PLXNB1: variants seen among roughly 807,000 people sequenced by gnomAD.
PLXNB1 encodes the protein plexin B1, also known as plexin-B1.
A neutral mutation model predicts 209.4 loss-of-function variants in PLXNB1; 106 were observed. That is an observed-to-expected ratio of 0.51 (90% CI 0.43 to 0.59). The LOEUF is 0.59. Among genes scored for constraint, PLXNB1 ranks in the 20% least tolerant of loss-of-function variants. PLXNB1 has a pLI of 0.00. For missense variants in PLXNB1, 2,357 were observed against 2,853.2 expected (o/e 0.83, Z 3.96); for synonymous variants, 1,167 against 1,183.2 (o/e 0.99, Z 0.28).
Position 48,418,562 on chromosome 3 carries a change from T to A in PLXNB1, c.2956-20A>T, listed in dbSNP as rs1364965425. 1.9e-6 allele frequency: 3 copies of A among 1,569,194 alleles called. No homozygotes were observed. Among genetic ancestry groups the A allele is most frequent in the Non-Finnish European group, 2.6e-6 (3 of 1,156,120 alleles). On this transcript the variant is annotated intron_variant, in intron 13 of 37. Coordinates refer to ENST00000296440, the MANE Select transcript of PLXNB1 (RefSeq NM_001130082.3). The surrounding 1 kb of genome is among the most constrained non-coding windows in gnomAD (Gnocchi z 6.6). The stretch of plus-strand genomic sequence containing the variant: ...GCTGAGCTGGAGAAATGGGAGTGGG[T>A]TCAGAGTCAAGCACTGGGGGAAGTG...
rs759027231 is a variant in PLXNB1, at chr3:48,418,194, G to A, written c.3219C>T (p.His1073=). 2 of 1,610,464 alleles carry A rather than the reference G, an allele frequency of 1.2e-6. No individual in the cohort carries two copies. Among genetic ancestry groups the A allele is most frequent in the Non-Finnish European group, 1.7e-6 (2 of 1,178,640 alleles). The change falls in exon 15 of 38, where the codon CAC becomes CAT. Residue 1073 remains histidine, a synonymous_variant. Transcript: ENST00000296440. This position sits in a 1 kb window ranked among gnomAD's most constrained non-coding sequence, Gnocchi z 6.6. ...VATQCPAPLI[H]SVEPLTGPVD... The stretch of plus-strand genomic sequence containing the variant: ...GATGGCCAGCCTTTCAACAAACCGA[G>A]TGGATGAGGGGCGCTGGGCACTGGG...
In PLXNB1 at chr3:48,413,961, G is replaced by A. The variant is rs374830271; in HGVS notation, c.4320C>T (p.Pro1440=). ...GGTGCCGTGGCAGGGGCTGCTCCACGGGGGGCTCGCAGTACAGGTGGTGCC... is the reference window on the plus strand; with the variant it reads ...GGTGCCGTGGCAGGGGCTGCTCCACAGGGGGCTCGCAGTACAGGTGGTGCC... ...LTRHHLYCEP[P]VEQPLPRHHA... Residue 1440 remains proline (P), a synonymous_variant, in exon 22 of 38, where the codon CCC becomes CCT. Coordinates refer to ENST00000296440, the MANE Select transcript of PLXNB1 (RefSeq NM_001130082.3). This position sits in a 1 kb window ranked among gnomAD's most constrained non-coding sequence, Gnocchi z 5.4. The A allele has an allele frequency of 5.0e-6, 8 of 1,613,212 alleles. No individual in the cohort carries two copies. The highest frequency in any genetic ancestry group is 4.0e-5 in the African/African-American group (3 of 74,926).
chr3:48,410,753 C>A lies in PLXNB1; in HGVS notation c.5416+115G>T. On this transcript the variant is annotated intron_variant, in intron 29 of 37. Transcript: ENST00000296440. This position sits in a 1 kb window ranked among gnomAD's most constrained non-coding sequence, Gnocchi z 6.4. The stretch of plus-strand genomic sequence containing the variant: ...AAAGATGTTCCAAAGCCAGCTTCTG[C>A]CTGCCTCCCAGCATCCTCCCCACCC... 1 of 1,130,614 alleles carries A rather than the reference C, an allele frequency of 8.8e-7. No individual in the cohort carries two copies. Among genetic ancestry groups the A allele is most frequent in the South Asian group, 1.5e-5 (1 of 65,370 alleles). The allele number at this position is 1,130,614 out of a possible 1,614,324, so 70.0% of individuals were successfully genotyped here. A position where few individuals can be genotyped will look rare whatever the true frequency, so the allele number is the denominator to read the frequency against.
In PLXNB1 at chr3:48,418,921, T is replaced by C. The variant is rs1020952447; in HGVS notation, c.2951A>G (p.His984Arg). Reference protein sequence around the residue: ...DTQCHVTCQQHQLSYEALQPE... With the variant: ...DTQCHVTCQQRQLSYEALQPE... ...CCAGGCGCTCATGGTGTGCACCTGG[T>C]GCTGCTGGCAGGTGACATGGCACTG... Residue 984 changes from histidine (H) to arginine (R), a missense_variant, in exon 13 of 38, where the codon CAC (histidine) becomes CGC (arginine). Around this residue, in one of 7 missense-constraint regions of PLXNB1, gnomAD observed 410 missense variants for 401.0 expected, o/e 1.02. Coordinates refer to ENST00000296440, the MANE Select transcript of PLXNB1 (RefSeq NM_001130082.3). The surrounding 1 kb of genome is among the most constrained non-coding windows in gnomAD (Gnocchi z 6.6). 6.2e-7 allele frequency: 1 copy of C among 1,613,976 alleles called. No homozygotes were observed. The highest frequency in any genetic ancestry group is 1.7e-5 in the Admixed American group (1 of 60,026).
intron 27 of PLXNB1, 112 bp from the exon 28 acceptor site, chr3:48,412,121 T>G: frequency 6.8e-7 from 1 of 1,464,466 alleles, no homozygotes; most frequent in South Asian, 1.2e-5. Context: ...GAGGACAGGC[T>G]GAGCAGGAGT....
chr3:48,413,949 G>A lies in PLXNB1; in HGVS notation c.4332C>T (p.Pro1444=). 1 of 1,613,352 alleles carries A rather than the reference G, an allele frequency of 6.2e-7. No individual in the cohort carries two copies. The change falls in exon 22 of 38, where the codon CCC becomes CCT. Residue 1444 remains proline, a synonymous_variant. Transcript: ENST00000296440. This position sits in a 1 kb window ranked among gnomAD's most constrained non-coding sequence, Gnocchi z 5.4. ...CTCGGAGGGCATGGTGCCGTGGCAG[G>A]GGCTGCTCCACGGGGGGCTCGCAGT... is the stretch of plus-strand genomic sequence containing the variant. The part of the protein sequence containing the change: ...HLYCEPPVEQ[P]LPRHHALREA...
In PLXNB1 at chr3:48,405,821, G is replaced by T; in HGVS notation, c.6229-23C>A. On this transcript the variant is annotated intron_variant, in intron 36 of 37. Transcript: ENST00000296440. The surrounding 1 kb of genome is among the most constrained non-coding windows in gnomAD (Gnocchi z 5.0). ...GTTCTAGGGAAGAGGCCAAATGAAA[G>T]GTGAGAGAGACGAGGGGTGCAGAGA... The T allele has an allele frequency of 6.2e-7, 1 of 1,605,162 alleles. No individual in the cohort carries two copies. The highest frequency in any genetic ancestry group is 1.1e-5 in the South Asian group (1 of 90,838).
Position 48,414,975 on chromosome 3 carries a change from G to C in PLXNB1, c.4033C>G (p.Leu1345Val). ...ACCCGGACCCAGGGGTCCTCAGGCA[G>C]GCCTGGGAGGGCAGGTGTGCGGCAC... ...ITCRTPALPG[L>V]PEDPWVRVEF... is the part of the protein sequence containing the mutation. Residue 1345 changes from leucine (L) to valine (V), a missense_variant, in exon 21 of 38, where the codon CTG becomes GTG. Transcript: ENST00000296440. 1 of 1,613,778 alleles carries C rather than the reference G, an allele frequency of 6.2e-7. No homozygotes were observed. The highest frequency in any genetic ancestry group is 8.5e-7 in the Non-Finnish European group (1 of 1,180,020).
rs775707931 is a variant in PLXNB1, at chr3:48,411,004, C to T, written c.5280G>A (p.Gly1760=). ...CGGGCACGCCCTGGGCCTCTCCTGCCCCAGGCCCCACAGCCAATAGTGCAT... is the reference window on the plus strand; with the variant it reads ...CGGGCACGCCCTGGGCCTCTCCTGCTCCAGGCCCCACAGCCAATAGTGCAT... The part of the protein sequence containing the change: ...TLNALLAVGP[G]AGEAQGVPVK... Residue 1760 remains glycine (G), a synonymous_variant, in exon 29 of 38, where the codon GGG becomes GGA. Coordinates refer to ENST00000296440, the MANE Select transcript of PLXNB1 (RefSeq NM_001130082.3). The surrounding 1 kb of genome is among the most constrained non-coding windows in gnomAD (Gnocchi z 4.0). 2 of 1,613,750 alleles carry T rather than the reference C, an allele frequency of 1.2e-6. No homozygotes were observed. The highest frequency in any genetic ancestry group is 2.2e-5 in the South Asian group (2 of 91,074).
chr3:48,423,104 G>A (rs959269018), intron 3 of PLXNB1, among the ~76,000 whole-genome samples, 157 bp from the exon 4 acceptor site: 5 of 151,674 alleles, frequency 3.3e-5, no homozygotes, highest in Non-Finnish European at 5.9e-5. Context: ...TCTCATCCCC[G>A]CCCCCAGTCT....
Position 48,415,610 on chromosome 3 carries a change from G to A in PLXNB1, c.3767C>T (p.Ser1256Phe). The A allele has an allele frequency of 6.3e-7, 1 of 1,584,778 alleles. No individual in the cohort carries two copies. The highest frequency in any genetic ancestry group is 8.6e-7 in the Non-Finnish European group (1 of 1,165,184). ...GAGGAAGCTCTTGGTGGGGCCAGCA[G>A]AGGTGATGTTGGGGTCCAAGGTATA... is the stretch of plus-strand genomic sequence containing the variant. ...FKYTLDPNIT[S>F]AGPTKSFLSG... Residue 1256 changes from serine to phenylalanine, a missense_variant, in exon 19 of 38, where the codon TCT becomes TTT. This residue lies in a region of PLXNB1 where 743 missense variants were observed against 896.2 expected (regional missense o/e 0.83). Transcript: ENST00000296440. The surrounding 1 kb of genome is among the most constrained non-coding windows in gnomAD (Gnocchi z 5.0).
chr3:48,413,579 A>C lies in PLXNB1; in HGVS notation c.4535+91T>G. On this transcript the variant is annotated intron_variant, in intron 23 of 37. Coordinates refer to ENST00000296440, the MANE Select transcript of PLXNB1 (RefSeq NM_001130082.3). The surrounding 1 kb of genome is among the most constrained non-coding windows in gnomAD (Gnocchi z 5.4). ...TTTACTCTCTGGCCATTTACAGAGA[A>C]TGTTTCCTGACTCCTGGCCCGGTCT... The C allele has an allele frequency of 7.6e-7, 1 of 1,323,944 alleles. No homozygotes were observed. Among genetic ancestry groups the C allele is most frequent in the Non-Finnish European group, 1.0e-6 (1 of 974,184 alleles). 82.0% of individuals were successfully genotyped at this position (1,323,944 alleles called of 1,614,324 possible). A position where few individuals can be genotyped will look rare whatever the true frequency, so the allele number is the denominator to read the frequency against.
At position 48,419,547 on chromosome 3, in the gene PLXNB1, C is replaced by G. The variant is rs771512138; in HGVS notation, c.2709+30G>C. 3.8e-6 allele frequency: 6 copies of G among 1,582,116 alleles called. No homozygotes were observed. The Admixed American group carries it at 1.0e-4, about 27-fold the overall frequency. ...TAGCATCTTCCCCACATCCCCTCCC[C>G]TGAGGCCTCCTTCCTGGGCTGGGCC... On this transcript the variant is annotated intron_variant, in intron 11 of 37. Transcript: ENST00000296440. The surrounding 1 kb of genome is among the most constrained non-coding windows in gnomAD (Gnocchi z 5.7).
Position 48,406,762 on chromosome 3 carries a change from G to T in PLXNB1, c.6228+61C>A. The T allele has an allele frequency of 6.5e-7, 1 of 1,545,376 alleles. No homozygotes were observed. The highest frequency in any genetic ancestry group is 2.4e-5 in the East Asian group (1 of 42,146). On this transcript the variant is annotated intron_variant, in intron 36 of 37. Coordinates refer to ENST00000296440, the MANE Select transcript of PLXNB1 (RefSeq NM_001130082.3). This position sits in a 1 kb window ranked among gnomAD's most constrained non-coding sequence, Gnocchi z 4.4. ...TTCCCTGCAAAGGGGCAGTGTGAAGGGGGAAGGACCGTTGTGGCAGGAGGC... is the reference window on the plus strand; with the variant it reads ...TTCCCTGCAAAGGGGCAGTGTGAAGTGGGAAGGACCGTTGTGGCAGGAGGC...
In PLXNB1 at chr3:48,419,574, C is replaced by T; in HGVS notation, c.2709+3G>A. ...GAGGCCTCCTTCCTGGGCTGGGCCTCACCAGCTCCCAGAGCCCGGGGGTGT... is the reference window on the plus strand; with the variant it reads ...GAGGCCTCCTTCCTGGGCTGGGCCTTACCAGCTCCCAGAGCCCGGGGGTGT... On this transcript the variant is annotated splice_donor_region_variant and intron_variant, in intron 11 of 37. Coordinates refer to ENST00000296440, the MANE Select transcript of PLXNB1 (RefSeq NM_001130082.3). This position sits in a 1 kb window ranked among gnomAD's most constrained non-coding sequence, Gnocchi z 5.7. 6.2e-7 allele frequency: 1 copy of T among 1,603,312 alleles called. No individual in the cohort carries two copies. The highest frequency in any genetic ancestry group is 1.3e-5 in the African/African-American group (1 of 74,868).
At chr3:48,414,569 C>A (rs1479886682) in intron 21 of PLXNB1, among the ~76,000 whole-genome samples, 1 of 152,222 alleles carries the variant, frequency 6.6e-6, no homozygotes, top group Non-Finnish European at 1.5e-5. Context: ...CCAGAGCCTG[C>A]CATGGAGTGC....
intron 1 of PLXNB1, among the ~76,000 whole-genome samples, chr3:48,427,646 C>A (rs1209237829): frequency 1.3e-5 from 2 of 152,242 alleles, no homozygotes; most frequent in Non-Finnish European, 2.9e-5. Flanking sequence ...CTCCCCCACA[C>A]ATGCCCTTCG....
chr3:48,428,505 T>C (rs1423930095), intron 1 of PLXNB1, among the ~76,000 whole-genome samples: 1 of 152,102 alleles, frequency 6.6e-6, no homozygotes, highest in Non-Finnish European at 1.5e-5. Context: ...CGTGGAGCTG[T>C]CCTCGACAAC....
chr3:48,404,830 C>T (rs73074378), intron 37 of PLXNB1, among the ~76,000 whole-genome samples: 8,226 of 152,164 alleles, frequency 0.054, 297 homozygotes, highest in Non-Finnish European at 0.076. Flanking sequence ...GACTCAGTAG[C>T]GAGCTCCTCA....
Sources: allele counts gnomAD v4.1 joint callset (sites outside exome capture counted in the v4.1 genomes callset), GRCh38; gene constraint gnomAD v4.1.1; regional missense constraint gnomAD v4.1.1; non-coding constraint Gnocchi (gnomAD v3.1); transcripts MANE v1.5; gene names NCBI Gene and HGNC (gene_info 2026-07-23, HGNC 2026-07-21).